The following RYR2 variants were observed in gnomAD, a reference collection of about 807,000 sequenced individuals.
The protein encoded by RYR2 is ryanodine receptor 2.
In RYR2, 227 loss-of-function variants were observed where a neutral mutation model predicts 601.1. The ratio of observed to expected loss-of-function variants is 0.38; its 90% CI spans 0.34 to 0.42. RYR2 has a LOEUF of 0.42. RYR2 is among the 10% of genes least tolerant of loss of function. The pLI is 1.00. For synonymous variants in RYR2, 2,223 were observed against 2,175.1 expected (o/e 1.02, Z -0.61); for missense variants, 4,646 against 6,156.5 (o/e 0.75, Z 8.21).
intron 84 of RYR2, among the ~76,000 whole-genome samples, chr1:237,762,201 A>G (rs946285031): frequency 3.9e-5 from 6 of 152,282 alleles, no homozygotes; most frequent in Non-Finnish European, 7.3e-5. Flanking sequence ...ACACCATTCT[A>G]TAACTTCTTA....
intron 17 of RYR2, among the ~76,000 whole-genome samples, chr1:237,491,525 G>A (rs561584927): frequency 4.1e-4 from 63 of 152,250 alleles, no homozygotes; most frequent in Non-Finnish European, 7.8e-4. Flanking sequence ...GTGTTGCTTC[G>A]TGTACGCCCT....
At chr1:237,611,609 A>G (rs963715186) in intron 36 of RYR2, among the ~76,000 whole-genome samples, 37 of 152,310 alleles carry the variant, frequency 2.4e-4, no homozygotes, top group African/African-American at 8.9e-4. Context: ...TCATTTAAGC[A>G]GCCTTCTTAT....
intron 79 of RYR2, among the ~76,000 whole-genome samples, chr1:237,736,253 G>A (rs1691133612): frequency 6.6e-6 from 1 of 152,024 alleles, no homozygotes; most frequent in Middle Eastern, 3.2e-3. Flanking sequence ...TTGAGATCAG[G>A]AGTTTGAGAG....
intron 80 of RYR2, among the ~76,000 whole-genome samples, chr1:237,748,497 C>T (rs1042740246): frequency 1.3e-5 from 2 of 152,164 alleles, no homozygotes; most frequent in African/African-American, 4.8e-5. Flanking sequence ...TATCCATTAA[C>T]ATGGGGTCTC....
chr1:237,073,189 A>G (rs544070402), intron 1 of RYR2, among the ~76,000 whole-genome samples: 1 of 152,304 alleles, frequency 6.6e-6, no homozygotes, highest in Admixed American at 6.5e-5. Flanking sequence ...ACTATTTGAC[A>G]AACATCTACG....
intron 17 of RYR2, among the ~76,000 whole-genome samples, chr1:237,470,055 C>T (rs1178258598): frequency 6.6e-6 from 1 of 152,190 alleles, no homozygotes; most frequent in African/African-American, 2.4e-5. Context: ...GCTCTTCCAT[C>T]TGTTTGCACA....
intron 92 of RYR2, 72 bp from the exon 93 acceptor site, chr1:237,791,357 C>T: frequency 1.3e-6 from 1 of 789,466 alleles, no homozygotes; most frequent in Non-Finnish European, 2.2e-6. Flanking sequence ...TGAATGAATG[C>T]TTTATTTAAA....
At chr1:237,060,724 C>T (rs191809422) in intron 1 of RYR2, among the ~76,000 whole-genome samples, 1 of 152,172 alleles carries the variant, frequency 6.6e-6, no homozygotes, top group African/African-American at 2.4e-5. Context: ...AGAGATGCAT[C>T]CATGTTGTAG....
intron 1 of RYR2, among the ~76,000 whole-genome samples, chr1:237,108,485 G>A (rs532191734): frequency 1.3e-5 from 2 of 152,340 alleles, no homozygotes; most frequent in African/African-American, 2.4e-5. Context: ...GAGCAGGGCC[G>A]CTGGAGCAGC....
At chr1:237,765,432 TTAACTACCAA>T (rs1443195512) in intron 84 of RYR2, among the ~76,000 whole-genome samples, 4 of 152,178 alleles carry the variant, frequency 2.6e-5, no homozygotes, top group African/African-American at 9.6e-5. Flanking sequence ...CACTACAACA[TTAACTACCAA>T]TTAACCTTCC....
chr1:237,297,502 A>C (rs1339437676), intron 2 of RYR2, among the ~76,000 whole-genome samples: 1 of 152,182 alleles, frequency 6.6e-6, no homozygotes, highest in Non-Finnish European at 1.5e-5. Context: ...TTTAGAACTC[A>C]GGAACAATAG....
At chr1:237,508,424 T>G (rs1230821288) in intron 23 of RYR2, among the ~76,000 whole-genome samples, 3 of 151,178 alleles carry the variant, frequency 2.0e-5, no homozygotes, top group African/African-American at 2.4e-5. Flanking sequence ...GAAGAGATGA[T>G]TAGAGGCCAG....
In RYR2 at chr1:237,213,138, C is replaced by A. The variant is rs549559416; in HGVS notation, c.49-57359C>A. Among the ~76,000 whole-genome samples, 9 of 151,800 alleles carry A rather than the reference C, an allele frequency of 5.9e-5. No individual in the cohort carries two copies. The South Asian group carries it at 1.9e-3, about 32-fold the overall frequency. ...TAGTTTTTTTAAAAAAAGCAAAAAA[C>A]CCCAAAACCTATTTTTGCAGTTTGG... On this transcript the variant is annotated intron_variant, in intron 1 of 104. Transcript: ENST00000366574.
In RYR2 at chr1:237,377,489, A is replaced by G. The variant is rs111649289; in HGVS notation, c.576+54A>G. The G allele has an allele frequency of 2.4e-4, 315 of 1,324,490 alleles. 2 individuals carry two copies. In the African/African-American group the frequency reaches 4.1e-3, roughly 17 times the overall value. The allele number at this position is 1,324,490 out of a possible 1,614,324, so 82.0% of individuals were successfully genotyped here. Reference sequence around the variant, plus strand: ...TGCTGATATGCTAAATGACAAGTCAATAAAATGATCTCTTTAAGGTTTATA... The same window carrying G: ...TGCTGATATGCTAAATGACAAGTCAGTAAAATGATCTCTTTAAGGTTTATA... On this transcript the variant is annotated intron_variant, in intron 8 of 104. Transcript: ENST00000366574.
intron 97 of RYR2, 102 bp from the exon 98 acceptor site, chr1:237,801,754 C>A (rs1574012424): frequency 1.6e-6 from 1 of 635,330 alleles, no homozygotes; most frequent in Non-Finnish European, 2.7e-6. Context: ...AGAAGGTGTC[C>A]AAGTCTTGTC....
intron 82 of RYR2, among the ~76,000 whole-genome samples, chr1:237,759,232 A>T (rs1421300685): frequency 6.6e-6 from 1 of 152,054 alleles, no homozygotes; most frequent in Non-Finnish European, 1.5e-5. Context: ...GACTACAGGC[A>T]CATGCTACCA....
At chr1:237,102,245 G>A (rs1410913947) in intron 1 of RYR2, among the ~76,000 whole-genome samples, 2 of 152,202 alleles carry the variant, frequency 1.3e-5, no homozygotes, top group Non-Finnish European at 1.5e-5. Context: ...TAGAGAGGGA[G>A]TAGATCAGTC....
intron 17 of RYR2, among the ~76,000 whole-genome samples, chr1:237,489,264 CAT>C (rs1241291637): frequency 3.3e-5 from 5 of 152,120 alleles, no homozygotes; most frequent in Admixed American, 6.5e-5. Flanking sequence ...AGCCAACAAA[CAT>C]ATGAAAAATA....
At chr1:237,200,603 G>A (rs1346768012) in intron 1 of RYR2, among the ~76,000 whole-genome samples, 10 of 152,112 alleles carry the variant, frequency 6.6e-5, no homozygotes, top group African/African-American at 1.7e-4. Context: ...AAGTAGATAC[G>A]AATCAGAAAA....
Sources: gnomAD v4.1 joint callset for allele counts (sites outside exome capture counted in the v4.1 genomes callset) on GRCh38, gnomAD v4.1.1 for gene constraint, MANE v1.5 for transcripts, NCBI Gene and HGNC (gene_info 2026-07-23, HGNC 2026-07-21) for gene names.